Variants in SLC35G1 observed in about 807,000 individuals in gnomAD.
SLC35G1 encodes the protein solute carrier family 35 member G1.
SLC35G1 carries 10 observed loss-of-function variants against 17.1 expected under a neutral mutation model. The observed-to-expected ratio is 0.59, with a 90% CI of 0.36 to 0.99. The LOEUF (loss-of-function observed/expected upper bound fraction) is 0.99, where lower values mean the gene tolerates loss of function less well. Among genes scored for constraint, SLC35G1 ranks in the 50% least tolerant of loss-of-function variants. The probability of loss-of-function intolerance (pLI) is 0.01; values close to 1 mark genes in which losing one functional copy is unlikely to be tolerated. For missense variants in SLC35G1, 433 were observed against 468.4 expected (o/e 0.92, Z 0.70); for synonymous variants, 185 against 181.1 (o/e 1.02, Z -0.18).
chr10:93,904,575 G>A (rs2060416761), downstream of SLC35G1, among the ~76,000 whole-genome samples: 1 of 152,086 alleles, frequency 6.6e-6, no homozygotes, highest in Non-Finnish European at 1.5e-5. Flanking sequence ...AGCCTCCAAT[G>A]GCTCAGCTTA....
intron 1 of SLC35G1, among the ~76,000 whole-genome samples, chr10:93,894,810 G>A (rs1274975067): frequency 2.0e-5 from 3 of 152,174 alleles, no homozygotes; most frequent in Non-Finnish European, 2.9e-5. Flanking sequence ...CAAAGTCAGG[G>A]ACCCCTCGTG....
chr10:93,897,230 G>A (rs2060338908), intron 1 of SLC35G1, among the ~76,000 whole-genome samples: 1 of 152,204 alleles, frequency 6.6e-6, no homozygotes, highest in Non-Finnish European at 1.5e-5. Flanking sequence ...AGGCCAGGCT[G>A]TAGAATGCCC....
downstream of SLC35G1, chr10:93,907,107 A>G (rs1421260832): frequency 1.3e-5 from 2 of 152,196 alleles, no homozygotes; most frequent in Non-Finnish European, 2.9e-5. Flanking sequence ...AGGCCAGCAC[A>G]GTGGCTCACA....
downstream of SLC35G1, chr10:93,907,370 C>G (rs1445370016): frequency 2.0e-5 from 3 of 152,208 alleles, no homozygotes; most frequent in African/African-American, 7.2e-5. Flanking sequence ...TTGGCACCAT[C>G]TATCAGATTT....
In SLC35G1 at chr10:93,901,054, AC is replaced by A; in HGVS notation, c.664del (p.Lys223ArgfsTer17). The part of the protein sequence containing the change: ...TSGMEESYSG[H>X]LKGTFAAIGS... ...GGGATGGAAGAAAGCTATTCAGGCCACCTTAAGGGAACATTCGCAGCAATTG... is the reference window on the plus strand; with the variant it reads ...GGGATGGAAGAAAGCTATTCAGGCCACTTAAGGGAACATTCGCAGCAATTG... On this transcript the variant is annotated frameshift_variant, in exon 3 of 3. Transcript: ENST00000427197. LOFTEE classifies it low-confidence loss of function (END_TRUNC). 1 of 1,614,108 alleles carries A rather than the reference AC, an allele frequency of 6.2e-7. No individual in the cohort carries two copies. Among genetic ancestry groups the A allele is most frequent in the Non-Finnish European group, 8.5e-7 (1 of 1,179,978 alleles).
rs1297480320 is a variant in SLC35G1, at chr10:93,902,503, T to A, written c.*1013T>A. ...AACTTAGAAAAACCATCGTTTCATA[T>A]GATTCACCCTAATAGATACCTCCAT... On this transcript the variant is annotated 3_prime_UTR_variant, in exon 3 of 3. Transcript: ENST00000427197. 2 of 152,616 alleles carry A rather than the reference T, an allele frequency of 1.3e-5. No homozygotes were observed. The highest frequency in any genetic ancestry group is 4.1e-4 in the South Asian group (2 of 4,822). The allele number at this position is 152,616 out of a possible 1,614,324, so 9.5% of individuals were successfully genotyped here. A position where few individuals can be genotyped will look rare whatever the true frequency, so the allele number is the denominator to read the frequency against.
rs1267307676 is a variant in SLC35G1 at position 93,900,765 on chromosome 10, G to A, written c.373G>A (p.Gly125Ser). 4 of 1,593,154 alleles carry A rather than the reference G, an allele frequency of 2.5e-6. No individual in the cohort carries two copies. Among genetic ancestry groups the A allele is most frequent in the Admixed American group, 3.4e-5 (2 of 58,630 alleles). Residue 125 changes from glycine (G) to serine (S), a missense_variant, in exon 3 of 3, where the codon GGC (glycine) becomes AGC (serine). Gly to Ser is a moderately conservative substitution (Grantham distance 56, BLOSUM62 0). Transcript: ENST00000427197. Reference protein sequence around the residue: ...CLIYRKTGFIGPKGQRIFLIL... With the variant: ...CLIYRKTGFISPKGQRIFLIL... ...TTGAATTTACAGAACTGGGTTTATA[G>A]GCCCAAAAGGTCAACGAATTTTCCT...
downstream of SLC35G1, chr10:93,908,763 G>T (rs1371590230): frequency 1.3e-5 from 2 of 152,072 alleles, no homozygotes; most frequent in Non-Finnish European, 2.9e-5. Context: ...ATCAGTTTGC[G>T]TGGGCTACAG....
chr10:93,908,746 C>T, downstream of SLC35G1: 1 of 152,192 alleles, frequency 6.6e-6, no homozygotes, highest in East Asian at 1.9e-4. Flanking sequence ...CATATATGGA[C>T]TATATAATCA....
chr10:93,899,046 T>A (rs1387460302), intron 2 of SLC35G1, among the ~76,000 whole-genome samples: 1 of 152,200 alleles, frequency 6.6e-6, no homozygotes, highest in Non-Finnish European at 1.5e-5. Context: ...CTCCCTTCTT[T>A]CCTTTGGCAT....
At position 93,899,723 on chromosome 10, in the gene SLC35G1, G is replaced by A. The variant is rs76916760; in HGVS notation, c.359+972G>A. On this transcript the variant is annotated intron_variant, in intron 2 of 2. Coordinates refer to ENST00000427197, the MANE Select transcript of SLC35G1 (RefSeq NM_001134658.3). Reference sequence around the variant, plus strand: ...AATACCTGCAAATTTCTGTCAATGCGGACAAGTCACACTATTTTAAGAAAT... The same window carrying A: ...AATACCTGCAAATTTCTGTCAATGCAGACAAGTCACACTATTTTAAGAAAT... 5.3e-3 allele frequency among the ~76,000 whole-genome samples: 801 copies of A among 152,200 alleles called. 5 individuals carry two copies. The highest frequency in any genetic ancestry group is 0.018 in the African/African-American group (762 of 41,508).
chr10:93,906,032 C>G (rs779215037), downstream of SLC35G1, among the ~76,000 whole-genome samples: 34 of 152,264 alleles, frequency 2.2e-4, no homozygotes, highest in Non-Finnish European at 4.6e-4. Context: ...CCTGGCTGTT[C>G]TTACCGCTGT....
At chr10:93,905,161 GTACT>G (rs2060420412), downstream of SLC35G1, among the ~76,000 whole-genome samples, 2 of 152,144 alleles carry the variant, frequency 1.3e-5, no homozygotes, top group Non-Finnish European at 2.9e-5. Context: ...CATGCACTGT[GTACT>G]CAGCATGGTT....
Position 93,898,691 on chromosome 10 carries a change from T to C in SLC35G1, c.299T>C (p.Ile100Thr). The change falls in exon 2 of 3, where the codon ATT becomes ACT. Residue 100 changes from isoleucine to threonine, a missense_variant. Physicochemically the swap from Ile to Thr is moderately conservative, Grantham distance 89. Coordinates refer to ENST00000427197, the MANE Select transcript of SLC35G1 (RefSeq NM_001134658.3). ...KKVQDVHAVE[I>T]SAFRCVFQML... is the part of the protein sequence containing the mutation. ...GTGCAAGACGTCCATGCTGTAGAGA[T>C]TAGTGCGTTTCGATGTGTGTTCCAA... 6.2e-7 allele frequency: 1 copy of C among 1,613,598 alleles called. No individual in the cohort carries two copies. Among genetic ancestry groups the C allele is most frequent in the Non-Finnish European group, 8.5e-7 (1 of 1,179,800 alleles).
chr10:93,894,855 A>G (rs2060315494), intron 1 of SLC35G1, among the ~76,000 whole-genome samples: 1 of 152,150 alleles, frequency 6.6e-6, no homozygotes, highest in Non-Finnish European at 1.5e-5. Flanking sequence ...CTCCTTCGAC[A>G]CATGAGCAAA....
intron 1 of SLC35G1, among the ~76,000 whole-genome samples, chr10:93,895,993 A>ATTT (rs113236737): frequency 6.9e-6 from 1 of 144,276 alleles, no homozygotes; most frequent in African/African-American, 2.5e-5. Context: ...TTGAGAATTA[A>ATTT]TTTTTTTTTT....
At chr10:93,894,315 C>A (rs1400191827) in intron 1 of SLC35G1, 104 bp downstream of exon 1, 2 of 1,104,626 alleles carry the variant, frequency 1.8e-6, no homozygotes, top group East Asian at 6.5e-5. Context: ...CGCCGCGCCT[C>A]CGTCCCCACC....
intron 1 of SLC35G1, 47 bp from the exon 2 acceptor site, chr10:93,898,522 AAC>A: frequency 6.5e-7 from 1 of 1,546,558 alleles, no homozygotes; most frequent in Non-Finnish European, 8.7e-7. Context: ...TGAAAATGAT[AAC>A]ACATACACTT....
At chr10:93,903,951 ACTGT>A (rs1056417463), downstream of SLC35G1, 13 of 35,328 alleles carry the variant, frequency 3.7e-4, no homozygotes, top group African/African-American at 8.8e-4. Flanking sequence ...CAAAGTTTAA[ACTGT>A]CTGACCCACT....
Sources: allele counts gnomAD v4.1 joint callset (sites outside exome capture counted in the v4.1 genomes callset), GRCh38; gene constraint gnomAD v4.1.1; transcripts MANE v1.5; gene names NCBI Gene and HGNC (gene_info 2026-07-23, HGNC 2026-07-21).